Variants in TNIK observed in about 807,000 individuals in gnomAD.
The protein encoded by TNIK is TRAF2 and NCK-interacting protein kinase.
Under a neutral mutation model 191.3 loss-of-function variants are expected in TNIK, and 49 were observed. That is an observed-to-expected ratio of 0.26 (90% CI 0.20 to 0.32). The LOEUF (loss-of-function observed/expected upper bound fraction) is 0.32, where lower values mean the gene tolerates loss of function less well. Ranked by LOEUF, TNIK falls within the 10% of genes least tolerant of loss-of-function variation. TNIK has a pLI of 1.00. For synonymous variants in TNIK, 594 were observed against 600.9 expected (o/e 0.99, Z 0.17); for missense variants, 1,155 against 1,702.3 (o/e 0.68, Z 5.66).
At chr3:171,083,708 T>G (rs1374878114) in intron 26 of TNIK, among the ~76,000 whole-genome samples, 1 of 152,004 alleles carries the variant, frequency 6.6e-6, no homozygotes, top group African/African-American at 2.4e-5. Flanking sequence ...GGCTGATTTT[T>G]CAGCTTGAAA....
intron 18 of TNIK, among the ~76,000 whole-genome samples, chr3:171,122,293 T>C (rs1024233888): frequency 6.6e-6 from 1 of 152,218 alleles, no homozygotes; most frequent in East Asian, 1.9e-4. Flanking sequence ...GGAGCACTGA[T>C]AATTGGGGAT....
chr3:171,312,806 C>A (rs548494540), intron 2 of TNIK, among the ~76,000 whole-genome samples: 53 of 152,194 alleles, frequency 3.5e-4, no homozygotes, highest in African/African-American at 1.2e-3. Context: ...ACTACTTTGG[C>A]TTTCACAAGA....
At chr3:171,371,250 G>A (rs1716451506) in intron 1 of TNIK, among the ~76,000 whole-genome samples, 1 of 152,190 alleles carries the variant, frequency 6.6e-6, no homozygotes, top group Non-Finnish European at 1.5e-5. Flanking sequence ...GAGTTTATCT[G>A]CTATTCTGGG....
intron 1 of TNIK, among the ~76,000 whole-genome samples, chr3:171,412,519 C>T (rs1722541714): frequency 6.6e-6 from 1 of 152,082 alleles, no homozygotes; most frequent in South Asian, 2.1e-4. Context: ...TAATTGAGCC[C>T]TTATAATGTG....
chr3:171,301,096 A>C (rs1752824950), intron 2 of TNIK, among the ~76,000 whole-genome samples: 2 of 152,144 alleles, frequency 1.3e-5, no homozygotes, highest in African/African-American at 4.8e-5. Flanking sequence ...GGAGAAATCT[A>C]GTGGGTACCA....
chr3:171,353,747 C>T (rs114395611), intron 2 of TNIK, among the ~76,000 whole-genome samples: 176 of 152,328 alleles, frequency 1.2e-3, no homozygotes, highest in Non-Finnish European at 1.9e-3. Context: ...GCAATGTGAC[C>T]TTCCACATGG....
chr3:171,192,697 C>T (rs1738204136), intron 5 of TNIK, among the ~76,000 whole-genome samples: 1 of 152,166 alleles, frequency 6.6e-6, no homozygotes, highest in Admixed American at 6.5e-5. Context: ...TTGGCAGCCA[C>T]TGAGTGGTCA....
At chr3:171,188,484 A>T (rs983403752) in intron 7 of TNIK, among the ~76,000 whole-genome samples, 1 of 152,208 alleles carries the variant, frequency 6.6e-6, no homozygotes, top group African/African-American at 2.4e-5. Context: ...TAAACTTTTT[A>T]TTTATTTTTT....
At chr3:171,346,783 T>A (rs570887910) in intron 2 of TNIK, among the ~76,000 whole-genome samples, 2 of 152,168 alleles carry the variant, frequency 1.3e-5, no homozygotes, top group South Asian at 4.2e-4. Context: ...GTTTTCTGTG[T>A]AAAGAGAAAG....
intron 22 of TNIK, among the ~76,000 whole-genome samples, chr3:171,099,388 T>TA (rs1553808130): frequency 6.6e-6 from 1 of 151,476 alleles, no homozygotes; most frequent in Non-Finnish European, 1.5e-5. Flanking sequence ...TTTTTTTTTT[T>TA]AATCTTGCTG....
At chr3:171,083,812 G>T (rs1298846698) in intron 26 of TNIK, among the ~76,000 whole-genome samples, 1 of 152,146 alleles carries the variant, frequency 6.6e-6, no homozygotes, top group Non-Finnish European at 1.5e-5. Flanking sequence ...CAAAGTGCCA[G>T]ACACAAATCG....
chr3:171,357,723 T>C (rs921717207), intron 2 of TNIK, among the ~76,000 whole-genome samples: 9 of 152,064 alleles, frequency 5.9e-5, no homozygotes, highest in African/African-American at 2.2e-4. Context: ...CAAACCCCAT[T>C]GGGCAGGTGC....
At chr3:171,224,818 T>C (rs565632384) in intron 3 of TNIK, among the ~76,000 whole-genome samples, 4 of 152,238 alleles carry the variant, frequency 2.6e-5, no homozygotes, top group East Asian at 1.9e-4. Context: ...GAAATTTCCA[T>C]AATGATTTCA....
chr3:171,115,266 T>C (rs542921929), intron 18 of TNIK, among the ~76,000 whole-genome samples: 50 of 152,358 alleles, frequency 3.3e-4, no homozygotes, highest in African/African-American at 1.2e-3. Flanking sequence ...TAGAGCTACT[T>C]GTTCTAATGT....
intron 12 of TNIK, among the ~76,000 whole-genome samples, chr3:171,149,858 C>T (rs994085498): frequency 1.1e-4 from 17 of 152,196 alleles, no homozygotes; most frequent in Non-Finnish European, 2.4e-4. Context: ...AAAAGCTGTG[C>T]TGCCTCCAAC....
intron 30 of TNIK, among the ~76,000 whole-genome samples, chr3:171,068,255 C>A (rs1431078476): frequency 1.3e-5 from 2 of 152,154 alleles, no homozygotes; most frequent in African/African-American, 4.8e-5. Context: ...AGATCCATTA[C>A]CTCATTTAAT....
At chr3:171,441,814 T>A (rs1000205728) in intron 1 of TNIK, among the ~76,000 whole-genome samples, 3 of 152,236 alleles carry the variant, frequency 2.0e-5, no homozygotes, top group African/African-American at 7.2e-5. Context: ...GGTATATTTT[T>A]AAATTCAGAT....
In TNIK at chr3:171,245,920, A is replaced by AACAGACAG. The variant is rs542133938; in HGVS notation, c.124-17707_124-17700dup. Among the ~76,000 whole-genome samples, 284 of 152,222 alleles carry AACAGACAG rather than the reference A, an allele frequency of 1.9e-3. 2 individuals carry two copies. Among genetic ancestry groups the AACAGACAG allele is most frequent in the African/African-American group, 6.6e-3 (272 of 41,518 alleles). On this transcript the variant is annotated intron_variant, in intron 2 of 32. Coordinates refer to ENST00000436636, the MANE Select transcript of TNIK (RefSeq NM_015028.4). ...AATAAGAGAGAGAGAAAGAGAGAGA[A>AACAGACAG]ACAGACAGACAGACAGACAGACTTG... is the stretch of plus-strand genomic sequence containing the variant.
intron 2 of TNIK, among the ~76,000 whole-genome samples, chr3:171,228,950 G>T (rs1743285842): frequency 1.3e-5 from 2 of 152,130 alleles, no homozygotes; most frequent in Admixed American, 1.3e-4. Context: ...CAGCAAAGAT[G>T]GTCATACTCA....
Sources: gnomAD v4.1 joint callset for allele counts (sites outside exome capture counted in the v4.1 genomes callset) on GRCh38, gnomAD v4.1.1 for gene constraint, MANE v1.5 for transcripts, NCBI Gene and HGNC (gene_info 2026-07-23, HGNC 2026-07-21) for gene names.